The following EYS variants were observed in gnomAD, a reference collection of about 807,000 sequenced individuals.
EYS encodes the protein EGF-like photoreceptor maintenance factor, also known as protein eyes shut homolog.
EYS carries 250 observed loss-of-function variants against 282.1 expected under a neutral mutation model. That is an observed-to-expected ratio of 0.89 (90% CI 0.80 to 0.98). EYS has a LOEUF of 0.98. EYS is among the 50% of genes least tolerant of loss of function. The pLI, the probability that EYS is intolerant of heterozygous loss-of-function variation, is 0.00. For missense variants in EYS, 4,016 were observed against 3,709.0 expected (o/e 1.08, Z -2.15); for synonymous variants, 1,355 against 1,282.9 (o/e 1.06, Z -1.20).
chr6:65,071,963 G>A (rs1163056103), intron 12 of EYS, among the ~76,000 whole-genome samples: 2 of 151,678 alleles, frequency 1.3e-5, no homozygotes, highest in East Asian at 3.9e-4. Context: ...ACCTACTAGT[G>A]TCTTGATATT....
At chr6:64,041,674 T>G (rs1190483040) in intron 33 of EYS, among the ~76,000 whole-genome samples, 1 of 152,192 alleles carries the variant, frequency 6.6e-6, no homozygotes, top group Non-Finnish European at 1.5e-5. Flanking sequence ...ACATACCAAT[T>G]TCCCTATGTG....
intron 22 of EYS, among the ~76,000 whole-genome samples, chr6:64,766,649 A>AAAAAAAAAAAT (rs1387919586): frequency 5.2e-5 from 1 of 19,052 alleles, no homozygotes; most frequent in African/African-American, 1.8e-4. Context: ...AAAAAAAAAA[A>AAAAAAAAAAAT]ATATATATAT....
chr6:65,127,828 A>G (rs569897401), intron 12 of EYS, among the ~76,000 whole-genome samples: 1 of 152,230 alleles, frequency 6.6e-6, no homozygotes, highest in Admixed American at 6.6e-5. Flanking sequence ...TTAAATATGT[A>G]CAGAAAAAAA....
intron 22 of EYS, among the ~76,000 whole-genome samples, chr6:64,787,732 A>AAT (rs1415761568): frequency 1.3e-5 from 2 of 149,264 alleles, no homozygotes; most frequent in African/African-American, 2.4e-5. Flanking sequence ...AACATTTTAT[A>AAT]ATATATATAT....
At chr6:64,258,719 C>T (rs1322826760) in intron 30 of EYS, among the ~76,000 whole-genome samples, 1 of 152,052 alleles carries the variant, frequency 6.6e-6, no homozygotes, top group African/African-American at 2.4e-5. Context: ...AGGCTGCTCA[C>T]ATTCTGAACT....
rs1352285165 is a variant in EYS, at chr6:65,453,541, G to T, written c.862+37053C>A. ...TTCTTTGTGATGAGAACATTCAAAA[G>T]TCTATCTTCTAGCTATTTTGTAATA... is the stretch of plus-strand genomic sequence containing the variant. On this transcript the variant is annotated intron_variant, in intron 5 of 42. Coordinates refer to ENST00000503581, the MANE Select transcript of EYS (RefSeq NM_001142800.2). 3.9e-5 allele frequency among the ~76,000 whole-genome samples: 6 copies of T among 152,056 alleles called. No individual in the cohort carries two copies. In the East Asian group the frequency reaches 1.2e-3, roughly 29 times the overall value.
intron 11 of EYS, chr6:65,300,811 A>C (rs1768799663): frequency 1.3e-5 from 2 of 152,172 alleles, no homozygotes; most frequent in Admixed American, 1.3e-4. Flanking sequence ...GACCACCCAC[A>C]TTTTTAGAGC....
intron 26 of EYS, among the ~76,000 whole-genome samples, chr6:64,485,562 C>T (rs1335841254): frequency 1.3e-5 from 2 of 151,446 alleles, no homozygotes; most frequent in Non-Finnish European, 3.0e-5. Context: ...CTTTCCAAAC[C>T]TAACACCCAC....
intron 12 of EYS, among the ~76,000 whole-genome samples, chr6:65,074,824 C>T (rs1773999062): frequency 6.6e-6 from 1 of 151,856 alleles, no homozygotes; most frequent in African/African-American, 2.4e-5. Context: ...AGAAATATGA[C>T]CAACTAAACT....
intron 14 of EYS, among the ~76,000 whole-genome samples, chr6:64,987,150 T>A (rs1035751506): frequency 1.3e-5 from 2 of 151,644 alleles, no homozygotes; most frequent in South Asian, 2.1e-4. Context: ...GACAAGCAGC[T>A]TTTACTTGTA....
At chr6:64,866,233 C>A (rs80334981) in intron 19 of EYS, among the ~76,000 whole-genome samples, 18 of 151,808 alleles carry the variant, frequency 1.2e-4, no homozygotes, top group Non-Finnish European at 2.7e-4. Context: ...TTTACTGATA[C>A]TGGATTTCTT....
chr6:64,382,151 C>T (rs906520705), intron 29 of EYS, among the ~76,000 whole-genome samples: 6 of 152,032 alleles, frequency 3.9e-5, no homozygotes, highest in African/African-American at 1.4e-4. Flanking sequence ...TTGGCTGTGC[C>T]CTTGCCCCTC....
chr6:63,906,607 T>A (rs1773785230), intron 35 of EYS, among the ~76,000 whole-genome samples: 1 of 152,230 alleles, frequency 6.6e-6, no homozygotes, highest in African/African-American at 2.4e-5. Flanking sequence ...TGAACGCTTT[T>A]GAAAAGCTTT....
At chr6:65,473,824 T>C (rs989321256) in intron 5 of EYS, among the ~76,000 whole-genome samples, 1 of 149,470 alleles carries the variant, frequency 6.7e-6, no homozygotes, top group African/African-American at 2.5e-5. Flanking sequence ...AAAATAACAA[T>C]GTTGGTTATG....
At chr6:64,051,473 G>A (rs1770808659) in intron 33 of EYS, among the ~76,000 whole-genome samples, 1 of 152,098 alleles carries the variant, frequency 6.6e-6, no homozygotes, top group African/African-American at 2.4e-5. Flanking sequence ...ATGTAGAACG[G>A]AATAGGATGC....
chr6:64,184,135 T>G (rs181383201), intron 31 of EYS, among the ~76,000 whole-genome samples: 3 of 152,142 alleles, frequency 2.0e-5, no homozygotes, highest in Non-Finnish European at 4.4e-5. Flanking sequence ...TTGTCTTCCA[T>G]GGCAATTATC....
intron 14 of EYS, among the ~76,000 whole-genome samples, chr6:64,982,460 TTAG>T (rs1286458652): frequency 1.8e-4 from 27 of 151,430 alleles, no homozygotes; most frequent in African/African-American, 6.5e-4. Flanking sequence ...ATAACTTCTA[TTAG>T]TAGGATCTGT....
At chr6:64,947,209 G>A (rs1200700258) in intron 14 of EYS, among the ~76,000 whole-genome samples, 1 of 151,878 alleles carries the variant, frequency 6.6e-6, no homozygotes, top group Non-Finnish European at 1.5e-5. Flanking sequence ...GTTGAAGTTA[G>A]TAGCCAAAAC....
chr6:63,768,565 TA>T (rs975387009), intron 40 of EYS, among the ~76,000 whole-genome samples: 4 of 151,492 alleles, frequency 2.6e-5, no homozygotes, highest in African/African-American at 9.7e-5. Flanking sequence ...TTATAAAATG[TA>T]AAAAAAATGA....
Sources: allele counts gnomAD v4.1 joint callset (sites outside exome capture counted in the v4.1 genomes callset), GRCh38; gene constraint gnomAD v4.1.1; transcripts MANE v1.5; gene names NCBI Gene and HGNC (gene_info 2026-07-23, HGNC 2026-07-21).